Variants in KIAA1328 observed in about 807,000 individuals in gnomAD.
KIAA1328 encodes KIAA1328.
In KIAA1328, 52 loss-of-function variants were observed where a neutral mutation model predicts 68.1. That is an observed-to-expected ratio of 0.76 (90% CI 0.61 to 0.96). The LOEUF (loss-of-function observed/expected upper bound fraction) is 0.96, where lower values mean the gene tolerates loss of function less well. KIAA1328 is among the 40% of genes least tolerant of loss of function. KIAA1328 has a pLI of 0.00. For missense variants in KIAA1328, 641 were observed against 677.6 expected (o/e 0.95, Z 0.60); for synonymous variants, 232 against 239.4 (o/e 0.97, Z 0.28).
At chr18:36,867,805 G>A (rs1041922688) in intron 4 of KIAA1328, among the ~76,000 whole-genome samples, 1 of 152,172 alleles carries the variant, frequency 6.6e-6, no homozygotes, top group East Asian at 1.9e-4. Flanking sequence ...AACAATTGAT[G>A]CATTCAAACA....
At position 37,064,961 on chromosome 18, in the gene KIAA1328, T is replaced by C. The variant is rs192126293; in HGVS notation, c.577-1929T>C. ...ATTGTAAGATAATACATTTGTGTTATTTTAAGCCACAAAGTTTGTGCTAAG... is the reference window on the plus strand; with the variant it reads ...ATTGTAAGATAATACATTTGTGTTACTTTAAGCCACAAAGTTTGTGCTAAG... On this transcript the variant is annotated intron_variant, in intron 6 of 9. Coordinates refer to ENST00000280020, the MANE Select transcript of KIAA1328 (RefSeq NM_020776.3). Among the ~76,000 whole-genome samples the C allele has an allele frequency of 1.6e-4, 24 of 152,316 alleles. No individual in the cohort carries two copies. In the East Asian group the frequency reaches 2.1e-3, roughly 13 times the overall value.
intron 6 of KIAA1328, among the ~76,000 whole-genome samples, chr18:37,006,772 A>G (rs1328415891): frequency 6.6e-6 from 1 of 152,138 alleles, no homozygotes; most frequent in Non-Finnish European, 1.5e-5. Flanking sequence ...CAGTTCTGTA[A>G]ATTTGTAACC....
chr18:36,926,125 C>T (rs546426634), intron 5 of KIAA1328, among the ~76,000 whole-genome samples: 3 of 151,846 alleles, frequency 2.0e-5, no homozygotes, highest in Non-Finnish European at 2.9e-5. Flanking sequence ...GCTTCTTGTT[C>T]GAAAGGGTTA....
chr18:37,214,265 G>C (rs911545264), intron 9 of KIAA1328, among the ~76,000 whole-genome samples: 2 of 152,154 alleles, frequency 1.3e-5, no homozygotes, highest in African/African-American at 2.4e-5. Flanking sequence ...TTTTCTTCTA[G>C]GGTTTTTATG....
chr18:37,165,784 G>C (rs971674069), intron 8 of KIAA1328, among the ~76,000 whole-genome samples: 2 of 151,694 alleles, frequency 1.3e-5, no homozygotes, highest in Non-Finnish European at 1.5e-5. Flanking sequence ...GTAGCAACAG[G>C]GTTTCACCAT....
chr18:37,135,201 T>C (rs2058616601), intron 7 of KIAA1328, among the ~76,000 whole-genome samples: 2 of 152,174 alleles, frequency 1.3e-5, no homozygotes, highest in Admixed American at 1.3e-4. Context: ...ATTTGTTTCT[T>C]TGGGATATAC....
chr18:36,915,471 T>C (rs1385454958), intron 5 of KIAA1328, among the ~76,000 whole-genome samples: 1 of 152,270 alleles, frequency 6.6e-6, no homozygotes, highest in African/African-American at 2.4e-5. Context: ...TAAAGAAGTC[T>C]GAAAACTCAA....
At chr18:36,843,705 G>A (rs1396206426) in intron 3 of KIAA1328, among the ~76,000 whole-genome samples, 1 of 152,100 alleles carries the variant, frequency 6.6e-6, no homozygotes, top group Non-Finnish European at 1.5e-5. Flanking sequence ...AGTACAAAGT[G>A]CTTACAATAT....
At chr18:36,982,870 T>C (rs939709410) in intron 6 of KIAA1328, among the ~76,000 whole-genome samples, 2 of 152,066 alleles carry the variant, frequency 1.3e-5, no homozygotes, top group Non-Finnish European at 2.9e-5. Flanking sequence ...TGAAGGTATT[T>C]TGTTGTATGG....
chr18:37,222,237 A>G lies in KIAA1328; in HGVS notation c.*10A>G, dbSNP rs747028179. 20 of 1,553,130 alleles carry G rather than the reference A, an allele frequency of 1.3e-5. No homozygotes were observed. The African/African-American group carries it at 2.3e-4, about 18-fold the overall frequency. On this transcript the variant is annotated 3_prime_UTR_variant, in exon 10 of 10. Transcript: ENST00000280020. ...TATATTTTTCATTTGACATATTGCA[A>G]AATTTTCTTAGGAAATTTGTGGGTT...
rs555243579 is a variant in KIAA1328 at position 36,862,426 on chromosome 18, A to G, written c.332+18124A>G. Among the ~76,000 whole-genome samples, 3 of 152,336 alleles carry G rather than the reference A, an allele frequency of 2.0e-5. No homozygotes were observed. In the South Asian group the frequency reaches 6.2e-4, roughly 32 times the overall value. Reference sequence around the variant, plus strand: ...CTCTATGATTTTGTCATTTCAAGAAAGCTATGTAAGTGGAATCATACAGTA... The same window carrying G: ...CTCTATGATTTTGTCATTTCAAGAAGGCTATGTAAGTGGAATCATACAGTA... On this transcript the variant is annotated intron_variant, in intron 4 of 9. Transcript: ENST00000280020.
intron 6 of KIAA1328, among the ~76,000 whole-genome samples, chr18:36,968,100 G>A (rs2052018665): frequency 6.6e-6 from 1 of 152,080 alleles, no homozygotes; most frequent in Admixed American, 6.6e-5. Flanking sequence ...CACCAGACCT[G>A]CTTTACAAGA....
chr18:37,108,266 G>A (rs569765514), intron 7 of KIAA1328, among the ~76,000 whole-genome samples: 1 of 151,322 alleles, frequency 6.6e-6, no homozygotes, highest in East Asian at 2.0e-4. Context: ...ATTTACACAG[G>A]AACAGAAAAC....
At chr18:37,046,799 A>C (rs2055487877) in intron 6 of KIAA1328, among the ~76,000 whole-genome samples, 1 of 152,184 alleles carries the variant, frequency 6.6e-6, no homozygotes, top group African/African-American at 2.4e-5. Context: ...TTAATCTACA[A>C]ATTTTAGAAA....
At chr18:36,965,563 G>T (rs2051892845) in intron 6 of KIAA1328, among the ~76,000 whole-genome samples, 1 of 147,366 alleles carries the variant, frequency 6.8e-6, no homozygotes, top group Admixed American at 6.7e-5. Context: ...TAGAGACGGG[G>T]TTTCACCATG....
intron 4 of KIAA1328, among the ~76,000 whole-genome samples, chr18:36,858,473 CTATAA>C (rs1045324662): frequency 1.6e-4 from 25 of 152,140 alleles, no homozygotes; most frequent in East Asian, 7.7e-4. Context: ...GCTTATATAA[CTATAA>C]TATATTTATT....
At chr18:37,079,769 C>T (rs1441918173) in intron 7 of KIAA1328, among the ~76,000 whole-genome samples, 1 of 151,662 alleles carries the variant, frequency 6.6e-6, no homozygotes, top group African/African-American at 2.4e-5. Context: ...CGCCTGTAAT[C>T]CTAGCTACTC....
intron 6 of KIAA1328, among the ~76,000 whole-genome samples, chr18:37,048,621 T>G (rs1168240779): frequency 6.6e-6 from 1 of 152,164 alleles, no homozygotes; most frequent in Non-Finnish European, 1.5e-5. Flanking sequence ...AAATTCTCAT[T>G]TCAAAAGCAA....
chr18:37,214,223 G>A (rs323484), intron 9 of KIAA1328, among the ~76,000 whole-genome samples: 40,492 of 152,012 alleles, frequency 0.27, 8,427 homozygotes, highest in African/African-American at 0.59. Context: ...AAGTCCTTGC[G>A]AATGCCTATG....
Sources: allele counts gnomAD v4.1 joint callset (sites outside exome capture counted in the v4.1 genomes callset), GRCh38; gene constraint gnomAD v4.1.1; transcripts MANE v1.5; gene names NCBI Gene and HGNC (gene_info 2026-07-23, HGNC 2026-07-21).